Variants in C10orf67 observed in about 807,000 individuals in gnomAD.
C10orf67 encodes the protein chromosome 10 open reading frame 67.
C10orf67 carries 60 observed loss-of-function variants against 35.6 expected under a neutral mutation model. The observed-to-expected ratio is 1.68, with a 90% CI of 1.37 to 2.09. C10orf67 has a LOEUF of 2.09. Among genes scored for constraint, C10orf67 ranks in the 30% most tolerant of loss-of-function variants. C10orf67 has a pLI of 0.00. For synonymous variants in C10orf67, 167 were observed against 115.8 expected, an observed-to-expected ratio of 1.44 and a Z score of -2.84; for missense variants, 474 against 330.2, an observed-to-expected ratio of 1.44 and a Z score of -3.38.
chr10:23,272,224 T>C (rs1336432871), intron 8 of C10orf67, among the ~76,000 whole-genome samples: 1 of 152,220 alleles, frequency 6.6e-6, no homozygotes, highest in Non-Finnish European at 1.5e-5. Context: ...GCTAAACTTT[T>C]TAAATTTTTG....
chr10:23,232,484 C>T (rs2132123984), intron 13 of C10orf67, among the ~76,000 whole-genome samples: 1 of 152,266 alleles, frequency 6.6e-6, no homozygotes, highest in East Asian at 1.9e-4. Context: ...GAGCAATGTT[C>T]CCTGGCATTT....
intron 10 of C10orf67, among the ~76,000 whole-genome samples, chr10:23,253,272 G>T (rs1403322914): frequency 6.6e-6 from 1 of 152,220 alleles, no homozygotes; most frequent in Non-Finnish European, 1.5e-5. Context: ...GTGGGTTGAA[G>T]CTGAAGATTT....
rs1844058569 is a variant in C10orf67 at position 23,301,138 on chromosome 10, G to A, written c.702+2166C>T. ...TGGAGGGGGCATAATCGGGGAATAT[G>A]GGTCAGAAGGAAAGGTAGGGGTGCA... is the stretch of plus-strand genomic sequence containing the variant. On this transcript the variant is annotated intron_variant, in intron 5 of 15. Coordinates refer to ENST00000636213, the MANE Select transcript of C10orf67 (RefSeq NM_001371909.1). Among the ~76,000 whole-genome samples, 2 of 152,204 alleles carry A rather than the reference G, an allele frequency of 1.3e-5. 1 individual carries two copies. The highest frequency in any genetic ancestry group is 4.1e-4 in the South Asian group (2 of 4,826).
intron 7 of C10orf67, among the ~76,000 whole-genome samples, chr10:23,286,886 A>C (rs1363091002): frequency 6.6e-6 from 1 of 152,198 alleles, no homozygotes; most frequent in African/African-American, 2.4e-5. Flanking sequence ...CCCACCTCTG[A>C]CCAATCAGGG....
chr10:23,338,775 G>A (rs1482515899), intron 1 of C10orf67, among the ~76,000 whole-genome samples: 1 of 152,148 alleles, frequency 6.6e-6, no homozygotes, highest in Non-Finnish European at 1.5e-5. Flanking sequence ...TTGGGAGGCC[G>A]AGGCGGGAAG....
intron 12 of C10orf67, among the ~76,000 whole-genome samples, chr10:23,240,480 G>A (rs1842154087): frequency 6.6e-6 from 1 of 152,182 alleles, no homozygotes; most frequent in Non-Finnish European, 1.5e-5. Context: ...AAGAGTTCCT[G>A]TTGACTTAAG....
intron 8 of C10orf67, among the ~76,000 whole-genome samples, chr10:23,281,709 G>A (rs886369743): frequency 5.9e-5 from 9 of 151,998 alleles, no homozygotes; most frequent in African/African-American, 1.7e-4. Flanking sequence ...TCAAAATAGC[G>A]GGCTCTCATA....
At chr10:23,341,645 G>A (rs760179058) in intron 1 of C10orf67, among the ~76,000 whole-genome samples, 1 of 152,116 alleles carries the variant, frequency 6.6e-6, no homozygotes, top group Non-Finnish European at 1.5e-5. Context: ...CCTCGCCACA[G>A]GCACCGTCCC....
At chr10:23,270,636 A>T (rs1273660502) in intron 8 of C10orf67, among the ~76,000 whole-genome samples, 1 of 152,192 alleles carries the variant, frequency 6.6e-6, no homozygotes, top group Non-Finnish European at 1.5e-5. Context: ...CTGGCTTGGA[A>T]TTCCAGACAG....
At chr10:23,267,336 A>G (rs1040574024) in intron 8 of C10orf67, 82 bp from the exon 9 acceptor site, 20 of 624,372 alleles carry the variant, frequency 3.2e-5, no homozygotes, top group African/African-American at 2.8e-4. Flanking sequence ...TCTATAAGCA[A>G]TGAAAGAGTA....
chr10:23,228,425 T>C (rs1331335501), intron 13 of C10orf67, among the ~76,000 whole-genome samples: 1 of 152,140 alleles, frequency 6.6e-6, no homozygotes, highest in Non-Finnish European at 1.5e-5. Context: ...CTTAACCTTA[T>C]ACAAAAATTA....
intron 1 of C10orf67, among the ~76,000 whole-genome samples, chr10:23,341,557 T>C (rs974515622): frequency 6.6e-6 from 1 of 152,194 alleles, no homozygotes; most frequent in African/African-American, 2.4e-5. Flanking sequence ...AATCAAATCA[T>C]GTCACTCCTC....
At chr10:23,229,621 G>T (rs1441354559) in intron 13 of C10orf67, among the ~76,000 whole-genome samples, 2 of 151,896 alleles carry the variant, frequency 1.3e-5, no homozygotes, top group East Asian at 1.9e-4. Flanking sequence ...ATGGTAAAAT[G>T]TTCAATTTCC....
rs1269391769 is a variant in C10orf67, at chr10:23,282,139, C to G, written c.910-61G>C. The G allele has an allele frequency of 6.7e-5, 29 of 431,842 alleles. No individual in the cohort carries two copies. In the East Asian group the frequency reaches 9.8e-4, roughly 15 times the overall value. 26.8% of individuals were successfully genotyped at this position (431,842 alleles called of 1,614,324 possible). ...TAAGAACAGAACACCTAAAATCCCTCCTCAAGAAAATTTAGTGAAACATAT... is the reference window on the plus strand; with the variant it reads ...TAAGAACAGAACACCTAAAATCCCTGCTCAAGAAAATTTAGTGAAACATAT... On this transcript the variant is annotated intron_variant, in intron 7 of 15. Transcript: ENST00000636213.
intron 12 of C10orf67, among the ~76,000 whole-genome samples, chr10:23,242,388 G>A (rs117606889): frequency 1.3e-5 from 2 of 152,100 alleles, no homozygotes; most frequent in African/African-American, 4.8e-5. Flanking sequence ...AAAGCTGAGA[G>A]AATTATTTGC....
At chr10:23,235,099 T>C (rs1378022449) in intron 13 of C10orf67, among the ~76,000 whole-genome samples, 2 of 151,452 alleles carry the variant, frequency 1.3e-5, no homozygotes, top group Admixed American at 6.6e-5. Context: ...AGGAAAGCTA[T>C]GTTAATTTAG....
At chr10:23,289,536 C>A (rs1267830064) in intron 7 of C10orf67, among the ~76,000 whole-genome samples, 1 of 152,218 alleles carries the variant, frequency 6.6e-6, no homozygotes, top group East Asian at 1.9e-4. Context: ...ATAAGCCCAG[C>A]TCATTCATGA....
chr10:23,246,796 A>G (rs892807727), intron 12 of C10orf67, among the ~76,000 whole-genome samples: 1 of 152,228 alleles, frequency 6.6e-6, no homozygotes, highest in Admixed American at 6.5e-5. Flanking sequence ...CACAGACAAA[A>G]GCTTAAAGAA....
intron 7 of C10orf67, among the ~76,000 whole-genome samples, chr10:23,286,446 A>G (rs1588653855): frequency 3.3e-5 from 1 of 30,018 alleles, no homozygotes; most frequent in Admixed American, 3.5e-4. Context: ...AGGGGAGGTG[A>G]GGGGAGGGGA....
Sources: gnomAD v4.1 joint callset for allele counts (sites outside exome capture counted in the v4.1 genomes callset) on GRCh38, gnomAD v4.1.1 for gene constraint, MANE v1.5 for transcripts, NCBI Gene and HGNC (gene_info 2026-07-23, HGNC 2026-07-21) for gene names.